The following CARMIL1 variants were observed in gnomAD, a reference collection of about 807,000 sequenced individuals.
CARMIL1 encodes the protein F-actin-uncapping protein LRRC16A.
In CARMIL1, 90 loss-of-function variants were observed where a neutral mutation model predicts 177.1. The observed-to-expected ratio is 0.51, with a 90% CI of 0.43 to 0.61. The LOEUF is 0.61. CARMIL1 is among the 20% of genes least tolerant of loss of function. CARMIL1 has a pLI of 0.00. For missense variants in CARMIL1, 1,380 were observed against 1,667.0 expected (o/e 0.83, Z 3.00); for synonymous variants, 577 against 606.2 (o/e 0.95, Z 0.71).
At chr6:25,329,069 C>T (rs533804142) in intron 2 of CARMIL1, among the ~76,000 whole-genome samples, 1 of 152,298 alleles carries the variant, frequency 6.6e-6, no homozygotes, top group Admixed American at 6.5e-5. Context: ...TAATGAGCAA[C>T]TTAGGCGTAA....
chr6:25,318,480 C>G (rs1013341483), intron 2 of CARMIL1, among the ~76,000 whole-genome samples: 1 of 152,070 alleles, frequency 6.6e-6, no homozygotes, highest in African/African-American at 2.4e-5. Context: ...AGCCTTGGAC[C>G]TTTGTTGTTT....
intron 29 of CARMIL1, among the ~76,000 whole-genome samples, chr6:25,571,360 C>T (rs978151522): frequency 6.6e-6 from 1 of 151,974 alleles, no homozygotes; most frequent in African/African-American, 2.4e-5. Flanking sequence ...CAGAAAACAT[C>T]GAAATGCCAG....
intron 31 of CARMIL1, 138 bp from the exon 32 acceptor site, chr6:25,594,277 T>A: frequency 1.7e-6 from 1 of 574,800 alleles, no homozygotes; most frequent in Non-Finnish European, 3.1e-6. Flanking sequence ...TGGCTTCTAT[T>A]CCTGTAGATT....
intron 5 of CARMIL1, among the ~76,000 whole-genome samples, chr6:25,443,642 A>G (rs1233255044): frequency 6.6e-6 from 1 of 152,214 alleles, no homozygotes; most frequent in Non-Finnish European, 1.5e-5. Context: ...CTAGAAGAAT[A>G]TATATACCTT....
intron 3 of CARMIL1, among the ~76,000 whole-genome samples, chr6:25,423,595 G>A (rs1035253672): frequency 3.3e-5 from 5 of 152,198 alleles, no homozygotes; most frequent in Admixed American, 3.3e-4. Flanking sequence ...CCAAGGCCTG[G>A]CTGAGGAGCT....
chr6:25,439,258 C>A (rs749805571), intron 5 of CARMIL1, among the ~76,000 whole-genome samples: 7 of 152,132 alleles, frequency 4.6e-5, no homozygotes, highest in Non-Finnish European at 1.0e-4. Context: ...ACCTACAAGA[C>A]CTCCATAGAC....
At position 25,431,297 on chromosome 6, in the gene CARMIL1, T is replaced by G. The variant is rs1365656335; in HGVS notation, c.250-4186T>G. On this transcript the variant is annotated intron_variant, in intron 4 of 36. Transcript: ENST00000329474. ...GTGTGTGTGTGTGTGTTTGTGTGTA[T>G]GTGGAGTTTGTTCATAATGTTCTTT... Among the ~76,000 whole-genome samples, 4 of 152,136 alleles carry G rather than the reference T, an allele frequency of 2.6e-5. 1 individual carries two copies. The highest frequency in any genetic ancestry group is 2.6e-4 in the Admixed American group (4 of 15,260).
intron 13 of CARMIL1, among the ~76,000 whole-genome samples, chr6:25,490,260 C>T (rs1346921956): frequency 6.6e-6 from 1 of 152,150 alleles, no homozygotes; most frequent in African/African-American, 2.4e-5. Context: ...GATAAGAGCT[C>T]CCCCAGCTGG....
At chr6:25,435,211 A>G (rs1797121817) in intron 4 of CARMIL1, among the ~76,000 whole-genome samples, 1 of 152,130 alleles carries the variant, frequency 6.6e-6, no homozygotes, top group South Asian at 2.1e-4. Context: ...CCTCTACCCA[A>G]ACACTTCTTT....
At chr6:25,476,683 G>C (rs1210546290) in intron 11 of CARMIL1, among the ~76,000 whole-genome samples, 1 of 152,162 alleles carries the variant, frequency 6.6e-6, no homozygotes, top group Non-Finnish European at 1.5e-5. Context: ...AAGCTTTTCA[G>C]TGATGGTATT....
intron 31 of CARMIL1, among the ~76,000 whole-genome samples, chr6:25,584,260 G>A (rs1332166203): frequency 1.3e-5 from 2 of 149,942 alleles, no homozygotes; most frequent in African/African-American, 2.5e-5. Flanking sequence ...GGCTAATCTC[G>A]GAACTCCTAG....
chr6:25,600,868 T>C (rs775058354), intron 33 of CARMIL1, 122 bp downstream of exon 33: 1 of 903,992 alleles, frequency 1.1e-6, no homozygotes, highest in Non-Finnish European at 1.6e-6. Flanking sequence ...CTTTCCTTTA[T>C]GCTGGGAATA....
chr6:25,382,492 C>A (rs1188734971), intron 2 of CARMIL1, among the ~76,000 whole-genome samples: 1 of 152,152 alleles, frequency 6.6e-6, no homozygotes, highest in Non-Finnish European at 1.5e-5. Context: ...AAGAACAAAG[C>A]TTCCACAGTG....
At chr6:25,281,127 T>TGTGTGCGCGC (rs142017993) in intron 1 of CARMIL1, among the ~76,000 whole-genome samples, 1 of 127,068 alleles carries the variant, frequency 7.9e-6, no homozygotes, top group South Asian at 3.0e-4. Context: ...CACGCGCGTG[T>TGTGTGCGCGC]GCGCGCGCGC....
chr6:25,514,420 G>A (rs1174234586), intron 20 of CARMIL1, among the ~76,000 whole-genome samples: 8 of 151,862 alleles, frequency 5.3e-5, no homozygotes, highest in Non-Finnish European at 1.2e-4. Flanking sequence ...GGTGGTGGGC[G>A]CCTGTAATCC....
intron 26 of CARMIL1, among the ~76,000 whole-genome samples, chr6:25,544,571 A>G (rs967944740): frequency 1.3e-5 from 2 of 151,364 alleles, no homozygotes; most frequent in African/African-American, 4.9e-5. Flanking sequence ...CATTTTCATC[A>G]CTGCAAAAAC....
At chr6:25,387,737 T>C (rs1230733868) in intron 2 of CARMIL1, among the ~76,000 whole-genome samples, 2 of 152,300 alleles carry the variant, frequency 1.3e-5, no homozygotes, top group East Asian at 3.9e-4. Flanking sequence ...GACTTCTAAT[T>C]GAAGCAAACC....
At chr6:25,499,205 C>G (rs1336729123) in intron 16 of CARMIL1, among the ~76,000 whole-genome samples, 3 of 152,198 alleles carry the variant, frequency 2.0e-5, no homozygotes, top group African/African-American at 7.2e-5. Context: ...GAGTGGAGGT[C>G]CTTTTCCTGG....
At chr6:25,528,953 A>G in intron 24 of CARMIL1, 60 bp downstream of exon 24, 1 of 1,287,284 alleles carries the variant, frequency 7.8e-7, no homozygotes, top group Non-Finnish European at 1.1e-6. Context: ...CTGAGAGCAA[A>G]GGACTTCTAG....
Sources: gnomAD v4.1 joint callset for allele counts (sites outside exome capture counted in the v4.1 genomes callset) on GRCh38, gnomAD v4.1.1 for gene constraint, MANE v1.5 for transcripts, NCBI Gene and HGNC (gene_info 2026-07-23, HGNC 2026-07-21) for gene names.